Variants in OSBPL10 observed in about 807,000 individuals in gnomAD.
OSBPL10 encodes the protein oxysterol-binding protein-related protein 10.
A neutral mutation model predicts 81.7 loss-of-function variants in OSBPL10; 49 were observed. That is an observed-to-expected ratio of 0.60 (90% confidence interval 0.48 to 0.76). The LOEUF is 0.76. OSBPL10 is among the 30% of genes least tolerant of loss of function. The probability of loss-of-function intolerance (pLI) is 0.00; values close to 1 mark genes in which losing one functional copy is unlikely to be tolerated. For missense variants in OSBPL10, 923 were observed against 987.8 expected (o/e 0.93, Z 0.88); for synonymous variants, 419 against 383.6 (o/e 1.09, Z -1.08).
At chr3:31,697,135 G>A (rs985198013) in intron 7 of OSBPL10, among the ~76,000 whole-genome samples, 3 of 152,214 alleles carry the variant, frequency 2.0e-5, no homozygotes, top group African/African-American at 7.2e-5. Flanking sequence ...TGGGGCCTAA[G>A]TCTTAGGAAG....
Position 31,817,553 on chromosome 3 carries a change from T to A in OSBPL10, c.729+12487A>T, listed in dbSNP as rs9860163. 5.3e-4 allele frequency among the ~76,000 whole-genome samples: 8 copies of A among 15,034 alleles called. No homozygotes were observed. The Admixed American group carries it at 0.013, about 24-fold the overall frequency. 9.9% of individuals were successfully genotyped at this position (15,034 alleles called of 152,430 possible). ...CAGCTGTGGGTCAGGCGGCTGCAGCTGCACCCACACCCACACCCAGCAGGG... is the reference window on the plus strand; with the variant it reads ...CAGCTGTGGGTCAGGCGGCTGCAGCAGCACCCACACCCACACCCAGCAGGG... On this transcript the variant is annotated intron_variant, in intron 4 of 11. Coordinates refer to ENST00000396556, the MANE Select transcript of OSBPL10 (RefSeq NM_017784.5).
chr3:31,760,301 G>A (rs1697995098), intron 4 of OSBPL10, among the ~76,000 whole-genome samples: 1 of 152,028 alleles, frequency 6.6e-6, no homozygotes, highest in Non-Finnish European at 1.5e-5. Context: ...CATATCAGTG[G>A]GCCTGCACAG....
intron 1 of OSBPL10, among the ~76,000 whole-genome samples, chr3:31,980,550 C>T (rs540516112): frequency 6.6e-6 from 1 of 152,252 alleles, no homozygotes; most frequent in African/African-American, 2.4e-5. Flanking sequence ...CCCAGTCATT[C>T]TTCAGGCGTG....
intron 2 of OSBPL10, among the ~76,000 whole-genome samples, chr3:32,043,707 A>C (rs913981053): frequency 6.6e-6 from 1 of 152,230 alleles, no homozygotes; most frequent in African/African-American, 2.4e-5. Flanking sequence ...TAGGAACTCA[A>C]AAATAATTTG....
chr3:31,760,189 G>A (rs1326026856), intron 4 of OSBPL10, among the ~76,000 whole-genome samples: 3 of 152,222 alleles, frequency 2.0e-5, no homozygotes, highest in Non-Finnish European at 1.5e-5. Flanking sequence ...AGGAGAATAG[G>A]AGGGGTTGGT....
intron 5 of OSBPL10, among the ~76,000 whole-genome samples, chr3:31,740,503 T>G (rs1390571517): frequency 2.0e-5 from 3 of 152,064 alleles, no homozygotes; most frequent in African/African-American, 7.3e-5. Context: ...GAAAGCAGAA[T>G]AGAGGGGCAG....
chr3:31,860,861 T>G (rs868408529), intron 3 of OSBPL10, among the ~76,000 whole-genome samples: 4,254 of 136,444 alleles, frequency 0.031, 182 homozygotes, highest in African/African-American at 0.14. Context: ...TTTGGGGTTT[T>G]TTTTTTTGGG....
intron 1 of OSBPL10, among the ~76,000 whole-genome samples, chr3:31,897,700 A>T (rs1696096600): frequency 6.6e-6 from 1 of 152,174 alleles, no homozygotes; most frequent in African/African-American, 2.4e-5. Flanking sequence ...TTTTAATATC[A>T]GCACTGGATG....
intron 1 of OSBPL10, among the ~76,000 whole-genome samples, chr3:32,071,966 C>T (rs1699832568): frequency 2.0e-5 from 3 of 152,182 alleles, no homozygotes; most frequent in Admixed American, 6.5e-5. Context: ...CTAATTGCCA[C>T]TCACCAGCAA....
chr3:31,778,506 G>C (rs998483137), intron 4 of OSBPL10, among the ~76,000 whole-genome samples: 17 of 151,890 alleles, frequency 1.1e-4, no homozygotes, highest in African/African-American at 4.1e-4. Flanking sequence ...ATCAGGCAAA[G>C]ACAAAAAAGA....
At chr3:31,853,914 G>A (rs567075092) in intron 3 of OSBPL10, among the ~76,000 whole-genome samples, 56 of 152,298 alleles carry the variant, frequency 3.7e-4, no homozygotes, top group African/African-American at 1.3e-3. Context: ...TATTTATAAC[G>A]TTTCAGGGTT....
At chr3:31,896,004 C>T (rs1696043829) in intron 1 of OSBPL10, among the ~76,000 whole-genome samples, 1 of 152,068 alleles carries the variant, frequency 6.6e-6, no homozygotes, top group Non-Finnish European at 1.5e-5. Context: ...CACACCTATA[C>T]ACACACACAG....
chr3:31,780,587 G>A (rs894000894), intron 4 of OSBPL10, among the ~76,000 whole-genome samples: 1 of 151,680 alleles, frequency 6.6e-6, no homozygotes, highest in Non-Finnish European at 1.5e-5. Flanking sequence ...AAATAAGAGA[G>A]AAGAGCTAAA....
At chr3:31,818,441 G>A (rs1455989527) in intron 4 of OSBPL10, among the ~76,000 whole-genome samples, 5 of 152,166 alleles carry the variant, frequency 3.3e-5, no homozygotes, top group Admixed American at 6.5e-5. Context: ...CTGTGTGCAC[G>A]GGTGCATATG....
chr3:31,847,211 T>TAAAAAA (rs369782801), intron 3 of OSBPL10, among the ~76,000 whole-genome samples: 9 of 148,744 alleles, frequency 6.1e-5, no homozygotes, highest in South Asian at 4.2e-4. Flanking sequence ...TTTTTTTTTT[T>TAAAAAA]AAAAAGACAG....
intron 6 of OSBPL10, among the ~76,000 whole-genome samples, chr3:31,729,338 C>T (rs1696895936): frequency 6.6e-6 from 1 of 152,084 alleles, no homozygotes; most frequent in Non-Finnish European, 1.5e-5. Context: ...CCAGGTGTTA[C>T]AGTCAGAAAG....
intron 6 of OSBPL10, among the ~76,000 whole-genome samples, chr3:31,719,710 C>A (rs1340071704): frequency 1.3e-5 from 2 of 152,002 alleles, no homozygotes; most frequent in African/African-American, 4.8e-5. Flanking sequence ...CCCTTAAATT[C>A]CACTGCCGGA....
chr3:32,040,981 C>A (rs565887456), intron 2 of OSBPL10, among the ~76,000 whole-genome samples: 1 of 152,318 alleles, frequency 6.6e-6, no homozygotes, highest in African/African-American at 2.4e-5. Context: ...TAAAATAGAA[C>A]TAGACCTCAA....
At chr3:31,828,943 T>C (rs1309404844) in intron 4 of OSBPL10, among the ~76,000 whole-genome samples, 2 of 152,182 alleles carry the variant, frequency 1.3e-5, no homozygotes, top group African/African-American at 4.8e-5. Context: ...CAAGACACAG[T>C]ATATACATGT....
Sources: allele counts gnomAD v4.1 joint callset (sites outside exome capture counted in the v4.1 genomes callset), GRCh38; gene constraint gnomAD v4.1.1; transcripts MANE v1.5; gene names NCBI Gene and HGNC (gene_info 2026-07-23, HGNC 2026-07-21).